The following KIF17 variants were observed in gnomAD, a reference collection of about 807,000 sequenced individuals.
The protein encoded by KIF17 is kinesin family member 17, also known as kinesin-like protein KIF17.
In KIF17, 80 loss-of-function variants were observed where a neutral mutation model predicts 96.8. The ratio of observed to expected loss-of-function variants is 0.83; its 90% CI spans 0.69 to 1.00. The LOEUF (loss-of-function observed/expected upper bound fraction) is 1.00. Ranked by LOEUF, KIF17 falls within the 50% of genes least tolerant of loss-of-function variation. The pLI is 0.00. For missense variants in KIF17, 1,280 were observed against 1,372.9 expected (o/e 0.93, Z 1.07); for synonymous variants, 567 against 587.5 (o/e 0.97, Z 0.51).
rs914799055 is a variant in KIF17 at position 20,700,854 on chromosome 1, A to G, written c.1124-2366T>C. On this transcript the variant is annotated intron_variant, in intron 5 of 14. Coordinates refer to ENST00000400463, the MANE Select transcript of KIF17 (RefSeq NM_001122819.3). This position sits in a 1 kb window ranked among gnomAD's most constrained non-coding sequence, Gnocchi z 4.6. ...GATTCCCCCTGCCCTGAACAGGCCC[A>G]GGGCCAGGCAGAGACAACCAGGAAC... Among the ~76,000 whole-genome samples the G allele has an allele frequency of 6.6e-6, 1 of 152,146 alleles. No homozygotes were observed.
At chr1:20,686,887 AG>A (rs149475732) in intron 8 of KIF17, among the ~76,000 whole-genome samples, 9,791 of 152,212 alleles carry the variant, frequency 0.064, 604 homozygotes, top group African/African-American at 0.16. Flanking sequence ...TAAAAACAAG[AG>A]GGTTGTTGAA....
Position 20,687,901 on chromosome 1 carries a change from C to T in KIF17, c.1425G>A (p.Met475Ile), listed in dbSNP as rs781103880. ...CGCTGCTGGCAAACTCAGCCCTGGACATGACCTCAGCCTTGTAGAGGACTC... is the reference window on the plus strand; with the variant it reads ...CGCTGCTGGCAAACTCAGCCCTGGATATGACCTCAGCCTTGTAGAGGACTC... Reference protein sequence around the residue: ...QVGVLYKAEVMSRAEFASSAE... With the variant: ...QVGVLYKAEVISRAEFASSAE... Residue 475 changes from methionine to isoleucine, a missense_variant, in exon 8 of 15, where the codon ATG becomes ATA. Physicochemically the swap from Met to Ile is conservative, Grantham distance 10 (BLOSUM62 1). Transcript: ENST00000400463. The surrounding 1 kb of genome is among the most constrained non-coding windows in gnomAD (Gnocchi z 4.4). The T allele has an allele frequency of 4.3e-6, 7 of 1,613,802 alleles. No individual in the cohort carries two copies. The highest frequency in any genetic ancestry group is 5.9e-6 in the Non-Finnish European group (7 of 1,180,046).
At position 20,666,307 on chromosome 1, in the gene KIF17, G is replaced by A. The variant is rs369950539; in HGVS notation, c.2815C>T (p.Leu939Phe). Residue 939 changes from leucine (L) to phenylalanine (F), a missense_variant, in exon 14 of 15, where the codon CTC becomes TTC. Leu to Phe is a conservative substitution (Grantham distance 22). Coordinates refer to ENST00000400463, the MANE Select transcript of KIF17 (RefSeq NM_001122819.3). ...NMEDDRYRLM[L>F]SRSNSENIAS... is the part of the protein sequence containing the mutation. ...ATGTTTTCACTGTTGCTCCGACTGA[G>A]CATGAGCCTGTAGCGGTCGTCCTCC... The A allele has an allele frequency of 1.6e-5, 26 of 1,613,978 alleles. No individual in the cohort carries two copies. Among genetic ancestry groups the A allele is most frequent in the South Asian group, 9.9e-5 (9 of 91,092 alleles).
chr1:20,685,380 G>C lies in KIF17; in HGVS notation c.2020-360C>G. On this transcript the variant is annotated intron_variant, in intron 9 of 14. Transcript: ENST00000400463. The surrounding 1 kb of genome is among the most constrained non-coding windows in gnomAD (Gnocchi z 4.1). ...GGAAAGTCCACTTTCCTCCCTGCCG[G>C]CTCCCTGCCTCCACGGCCTCCCCCG... 2.3e-6 allele frequency: 1 copy of C among 430,144 alleles called. No homozygotes were observed. Among genetic ancestry groups the C allele is most frequent in the Non-Finnish European group, 4.5e-6 (1 of 222,786 alleles). 26.6% of individuals were successfully genotyped at this position (430,144 alleles called of 1,614,324 possible). A position where few individuals can be genotyped will look rare whatever the true frequency, so the allele number is the denominator to read the frequency against.
intron 5 of KIF17, among the ~76,000 whole-genome samples, chr1:20,703,188 C>T (rs7415166): frequency 2.3e-3 from 218 of 92,876 alleles, no homozygotes; most frequent in East Asian, 0.012. Flanking sequence ...AATGGATGGA[C>T]GGATGGATGG....
intron 11 of KIF17, among the ~76,000 whole-genome samples, chr1:20,675,176 G>A (rs113070533): frequency 0.33 from 49,780 of 149,502 alleles, 9,378 homozygotes; most frequent in Non-Finnish European, 0.42. Flanking sequence ...GGCCGGGTGC[G>A]GTGGCTCATG....
At chr1:20,682,535 C>A in intron 11 of KIF17, 118 bp downstream of exon 11, 2 of 812,722 alleles carry the variant, frequency 2.5e-6, no homozygotes, top group South Asian at 1.4e-5. Context: ...TGCATGCATG[C>A]CTGCTGTGTA....
chr1:20,683,166 G>A (rs561989035), intron 10 of KIF17, among the ~76,000 whole-genome samples: 57 of 152,334 alleles, frequency 3.7e-4, no homozygotes, highest in African/African-American at 1.3e-3. Context: ...GACTTCCCAC[G>A]CTGGTGCTCC....
At chr1:20,708,245 T>C (rs1017509357) in intron 4 of KIF17, among the ~76,000 whole-genome samples, 1 of 152,148 alleles carries the variant, frequency 6.6e-6, no homozygotes, top group Non-Finnish European at 1.5e-5. Flanking sequence ...CATGGCCTCA[T>C]ACCTAAGCAA....
At chr1:20,714,038 A>C (rs2054531549) in intron 2 of KIF17, among the ~76,000 whole-genome samples, 1 of 152,082 alleles carries the variant, frequency 6.6e-6, no homozygotes, top group Non-Finnish European at 1.5e-5. Context: ...AAATACAAAA[A>C]TTAGCTAGGC....
At chr1:20,690,608 G>A (rs375324716) in intron 6 of KIF17, among the ~76,000 whole-genome samples, 19 of 150,442 alleles carry the variant, frequency 1.3e-4, no homozygotes, top group African/African-American at 4.2e-4. Context: ...TTCCAGCCTC[G>A]AACTCCCAGG....
downstream of KIF17, among the ~76,000 whole-genome samples, chr1:20,662,819 G>T (rs532913230): frequency 6.6e-6 from 1 of 152,036 alleles, no homozygotes; most frequent in African/African-American, 2.4e-5. Flanking sequence ...AGCGCTCTCC[G>T]CCAGGAGCGC....
rs749107722 is a variant in KIF17 at position 20,698,531 on chromosome 1, T to C, written c.1124-43A>G. ...ATTAGCAGCCAGGATGAGGGGCACA[T>C]TGTGTGCAGGAACTAAGCAGAAATC... On this transcript the variant is annotated intron_variant, in intron 5 of 14. Transcript: ENST00000400463. 3.8e-6 allele frequency: 5 copies of C among 1,307,754 alleles called. No individual in the cohort carries two copies. In the African/African-American group the frequency reaches 7.2e-5, roughly 19 times the overall value. 81.0% of individuals were successfully genotyped at this position (1,307,754 alleles called of 1,614,324 possible).
In KIF17 at chr1:20,672,295, T is replaced by C; in HGVS notation, c.2464-99A>G. 1.4e-6 allele frequency: 2 copies of C among 1,476,790 alleles called. No homozygotes were observed. The highest frequency in any genetic ancestry group is 1.8e-6 in the Non-Finnish European group (2 of 1,083,794). The allele number at this position is 1,476,790 out of a possible 1,614,324, so 91.5% of individuals were successfully genotyped here. ...CTGTCCTGCCAGCAGCCACGCATCG[T>C]CTGTTCATTGGCCTGATCAGCCATC... On this transcript the variant is annotated intron_variant, in intron 11 of 14. Transcript: ENST00000400463. This position sits in a 1 kb window ranked among gnomAD's most constrained non-coding sequence, Gnocchi z 4.3.
At position 20,690,348 on chromosome 1, in the gene KIF17, G is replaced by T. The variant is rs148082398; in HGVS notation, c.1234-13C>A. 15 of 757,380 alleles carry T rather than the reference G, an allele frequency of 2.0e-5. No individual in the cohort carries two copies. Among genetic ancestry groups the T allele is most frequent in the South Asian group, 2.7e-5 (2 of 74,286 alleles). The allele number at this position is 757,380 out of a possible 1,614,324, so 46.9% of individuals were successfully genotyped here. On this transcript the variant is annotated splice_polypyrimidine_tract_variant and intron_variant, in intron 6 of 14. Coordinates refer to ENST00000400463, the MANE Select transcript of KIF17 (RefSeq NM_001122819.3). Reference sequence around the variant, plus strand: ...GCTCTTCATACTCCTGGGGGGGTGGGAGGGACCAGAGGGCAGGCAGCATTT... The same window carrying T: ...GCTCTTCATACTCCTGGGGGGGTGGTAGGGACCAGAGGGCAGGCAGCATTT...
In KIF17 at chr1:20,672,657, T is replaced by C. The variant is rs78928483; in HGVS notation, c.2464-461A>G. 6.3e-3 allele frequency among the ~76,000 whole-genome samples: 958 copies of C among 152,312 alleles called. 13 individuals are homozygous for C. Among genetic ancestry groups the C allele is most frequent in the African/African-American group, 0.022 (906 of 41,556 alleles). Reference sequence around the variant, plus strand: ...GACAACAGGCACAAACTCTCCGACTTGACAATCCTCACTCTCCCACTGCCA... The same window carrying C: ...GACAACAGGCACAAACTCTCCGACTCGACAATCCTCACTCTCCCACTGCCA... On this transcript the variant is annotated intron_variant, in intron 11 of 14. Transcript: ENST00000400463. The surrounding 1 kb of genome is among the most constrained non-coding windows in gnomAD (Gnocchi z 4.3).
At chr1:20,679,847 T>C (rs1439292876) in intron 11 of KIF17, among the ~76,000 whole-genome samples, 2 of 152,228 alleles carry the variant, frequency 1.3e-5, no homozygotes, top group Non-Finnish European at 2.9e-5. Flanking sequence ...TTCAGCCTTG[T>C]GGAATTCTAA....
chr1:20,709,663 T>C lies in KIF17; in HGVS notation c.646A>G (p.Ile216Val), dbSNP rs200568311. The change falls in exon 4 of 15, where the codon ATC becomes GTC. Residue 216 changes from isoleucine to valine, a missense_variant. Coordinates refer to ENST00000400463, the MANE Select transcript of KIF17 (RefSeq NM_001122819.3). This position sits in a 1 kb window ranked among gnomAD's most constrained non-coding sequence, Gnocchi z 4.7. Reference protein sequence around the residue: ...DSSRSHSIFTISIEMSAVDER... With the variant: ...DSSRSHSIFTVSIEMSAVDER... ...CCCACGGCAGACATCTCGATGCTGA[T>C]GGTGAAGATGGAGTGCGAGCGTGAG... 5.0e-6 allele frequency: 8 copies of C among 1,614,066 alleles called. No homozygotes were observed. Among genetic ancestry groups the C allele is most frequent in the Non-Finnish European group, 5.9e-6 (7 of 1,180,022 alleles).
In KIF17 at chr1:20,693,389, C is replaced by T. The variant is rs899156540; in HGVS notation, c.1234-3054G>A. On this transcript the variant is annotated intron_variant, in intron 6 of 14. Transcript: ENST00000400463. Reference sequence around the variant, plus strand: ...AAGCAATTCTCCCACCTCAGCCTCCCGAGAAGCTGGGACCACAGGCACCCA... The same window carrying T: ...AAGCAATTCTCCCACCTCAGCCTCCTGAGAAGCTGGGACCACAGGCACCCA... 9.2e-5 allele frequency among the ~76,000 whole-genome samples: 14 copies of T among 151,606 alleles called. No individual in the cohort carries two copies. The East Asian group carries it at 1.2e-3, about 13-fold the overall frequency.
Sources: gnomAD v4.1 joint callset for allele counts (sites outside exome capture counted in the v4.1 genomes callset) on GRCh38, gnomAD v4.1.1 for gene constraint, Gnocchi (gnomAD v3.1) non-coding constraint, MANE v1.5 for transcripts, NCBI Gene and HGNC (gene_info 2026-07-23, HGNC 2026-07-21) for gene names.